ILF2: variants seen among roughly 807,000 people sequenced by gnomAD.
ILF2 encodes interleukin enhancer-binding factor 2.
A neutral mutation model predicts 55.3 loss-of-function variants in ILF2; 9 were observed. That is an observed-to-expected ratio of 0.16 (90% CI 0.10 to 0.28). The LOEUF (loss-of-function observed/expected upper bound fraction) is 0.28, where lower values mean the gene tolerates loss of function less well. Among genes scored for constraint, ILF2 ranks in the 10% least tolerant of loss-of-function variants. The pLI, the probability that ILF2 is intolerant of heterozygous loss-of-function variation, is 1.00. For missense variants in ILF2, 266 were observed against 474.9 expected (o/e 0.56, Z 4.09); for synonymous variants, 151 against 161.8 (o/e 0.93, Z 0.50).
intron 10 of ILF2, among the ~76,000 whole-genome samples, chr1:153,663,638 C>T (rs920655861): frequency 6.6e-6 from 1 of 151,730 alleles, no homozygotes; most frequent in African/African-American, 2.4e-5. Flanking sequence ...TAAATGATCA[C>T]GAGGAAAACT....
intron 8 of ILF2, among the ~76,000 whole-genome samples, 178 bp from the exon 9 acceptor site, chr1:153,664,652 C>T (rs1011972581): frequency 4.6e-5 from 7 of 152,204 alleles, no homozygotes; most frequent in African/African-American, 1.2e-4. Context: ...CTCCGCCTCC[C>T]GGGTTCGAGC....
At chr1:153,665,573 G>C in intron 7 of ILF2, 90 bp downstream of exon 7, 1 of 1,121,546 alleles carries the variant, frequency 8.9e-7, no homozygotes. Context: ...TCTTCCATCT[G>C]GTCTGATCTG....
chr1:153,662,435 A>C lies in ILF2; in HGVS notation c.1134T>G (p.Pro378=). 1 of 1,613,490 alleles carries C rather than the reference A, an allele frequency of 6.2e-7. No homozygotes were observed. The highest frequency in any genetic ancestry group is 1.7e-5 in the Admixed American group (1 of 59,980). The stretch of plus-strand genomic sequence containing the variant: ...CCATGCTTTCTTCTTCCTCTCCTTG[A>C]GGTGGTTCTTCTGTATTCTCCTCTT... The part of the protein sequence containing the change: ...EEEEENTEEP[P]QGEEEESMET... Residue 378 remains proline (P), a synonymous_variant, in exon 14 of 14, where the codon CCT becomes CCG. Transcript: ENST00000361891.
chr1:153,663,361 C>T (rs1233787407), intron 10 of ILF2, 85 bp from the exon 11 acceptor site: 3 of 1,280,376 alleles, frequency 2.3e-6, no homozygotes, highest in East Asian at 4.6e-5. Context: ...CAGGGCCTCA[C>T]TTTGTCATCC....
At chr1:153,662,950 CT>C in intron 12 of ILF2, 68 bp downstream of exon 12, 1 of 1,410,756 alleles carries the variant, frequency 7.1e-7, no homozygotes, top group South Asian at 1.2e-5. Flanking sequence ...CCATATTCCG[CT>C]TTGCCTGCTG....
At chr1:153,668,387 G>A (rs1002353332) in intron 4 of ILF2, 66 bp downstream of exon 4, 3 of 1,581,136 alleles carry the variant, frequency 1.9e-6, no homozygotes, top group Non-Finnish European at 2.6e-6. Context: ...CTTACCAACA[G>A]TTACTCTTTA....
chr1:153,668,364 C>T (rs949820679), intron 4 of ILF2, 89 bp downstream of exon 4: 2 of 1,493,768 alleles, frequency 1.3e-6, no homozygotes, highest in South Asian at 2.4e-5. Context: ...GCTCTGTTAA[C>T]ACCATTCTTA....
intron 3 of ILF2, 109 bp from the exon 4 acceptor site, chr1:153,668,666 C>G: frequency 7.9e-7 from 1 of 1,258,552 alleles, no homozygotes. Flanking sequence ...AAATTCTACA[C>G]TTGTTTTTAC....
chr1:153,666,565 G>A (rs1021585214), intron 6 of ILF2, among the ~76,000 whole-genome samples: 2 of 151,646 alleles, frequency 1.3e-5, no homozygotes, highest in Admixed American at 6.6e-5. Context: ...TGTTATACAG[G>A]CTGGTCAAAC....
intron 10 of ILF2, 53 bp from the exon 11 acceptor site, chr1:153,663,329 C>T: frequency 6.6e-7 from 1 of 1,516,730 alleles, no homozygotes; most frequent in Non-Finnish European, 9.2e-7. Flanking sequence ...CTTCTGATAA[C>T]TAGAACTTTA....
At position 153,662,286 on chromosome 1, in the gene ILF2, CCTG is replaced by C; in HGVS notation, c.*107_*109del. 12 of 1,369,862 alleles carry C rather than the reference CCTG, an allele frequency of 8.8e-6. No homozygotes were observed. The highest frequency in any genetic ancestry group is 1.2e-5 in the Non-Finnish European group (12 of 1,000,006). 84.9% of individuals were successfully genotyped at this position (1,369,862 alleles called of 1,614,324 possible). On this transcript the variant is annotated 3_prime_UTR_variant, in exon 14 of 14. Transcript: ENST00000361891. ...CACTTCTATGGAGTTTACTTTTCTT[CCTG>C]CTATCTTCCCTATCCCACGGAAATG...
chr1:153,665,370 A>C, intron 7 of ILF2, 34 bp from the exon 8 acceptor site: 4 of 1,360,918 alleles, frequency 2.9e-6, no homozygotes, highest in Non-Finnish European at 4.2e-6. Context: ...ACTATAACTC[A>C]CATTTCCATT....
intron 9 of ILF2, 73 bp from the exon 10 acceptor site, chr1:153,664,203 C>A: frequency 9.9e-7 from 1 of 1,012,458 alleles, no homozygotes. Context: ...AGAATTGAAG[C>A]TGACTATGCT....
intron 12 of ILF2, 22 bp downstream of exon 12, chr1:153,662,997 C>G: frequency 1.3e-6 from 2 of 1,584,854 alleles, no homozygotes; most frequent in South Asian, 2.2e-5. Context: ...CAAAACAACT[C>G]AGTTCATATC....
intron 6 of ILF2, among the ~76,000 whole-genome samples, chr1:153,666,175 C>G (rs1557952586): frequency 6.6e-6 from 1 of 150,948 alleles, no homozygotes. Context: ...CAGGCTGCTG[C>G]TTTTTTTTTC....
intron 3 of ILF2, among the ~76,000 whole-genome samples, chr1:153,669,208 C>A (rs1421614936): frequency 1.3e-5 from 2 of 152,110 alleles, no homozygotes; most frequent in African/African-American, 4.8e-5. Context: ...TGCACTCCAG[C>A]CTGGGTGACA....
intron 3 of ILF2, among the ~76,000 whole-genome samples, chr1:153,669,419 T>C (rs945336480): frequency 6.6e-6 from 1 of 152,174 alleles, no homozygotes; most frequent in Non-Finnish European, 1.5e-5. Context: ...TGTTTCTGTA[T>C]GTAAAGCAAC....
rs370629989 is a variant in ILF2 at position 153,668,303 on chromosome 1, C to T, written c.213+150G>A. 4.0e-6 allele frequency: 4 copies of T among 1,011,166 alleles called. No homozygotes were observed. In the African/African-American group the frequency reaches 6.5e-5, roughly 17 times the overall value. 62.6% of individuals were successfully genotyped at this position (1,011,166 alleles called of 1,614,324 possible). A position where few individuals can be genotyped will look rare whatever the true frequency, so the allele number is the denominator to read the frequency against. The stretch of plus-strand genomic sequence containing the variant: ...TGTTTATATATCCACCTGGCTATCT[C>T]CACCCACAATGAGAAATAAGGAGAA... On this transcript the variant is annotated intron_variant, in intron 4 of 13. Coordinates refer to ENST00000361891, the MANE Select transcript of ILF2 (RefSeq NM_004515.4).
At chr1:153,667,910 T>C (rs935667815) in intron 5 of ILF2, 90 bp downstream of exon 5, 5 of 934,818 alleles carry the variant, frequency 5.3e-6, no homozygotes, top group East Asian at 2.4e-5. Flanking sequence ...CTTTGGATAA[T>C]AGACAACTGA....
Sources: allele counts gnomAD v4.1 joint callset (sites outside exome capture counted in the v4.1 genomes callset), GRCh38; gene constraint gnomAD v4.1.1; transcripts MANE v1.5; gene names NCBI Gene and HGNC (gene_info 2026-07-23, HGNC 2026-07-21).